Variants in TIAM2 observed in about 807,000 individuals in gnomAD.
The protein encoded by TIAM2 is rho guanine nucleotide exchange factor TIAM2.
In TIAM2, 80 loss-of-function variants were observed where a neutral mutation model predicts 152.9. That is an observed-to-expected ratio of 0.52 (90% CI 0.44 to 0.63). The LOEUF is 0.63. Among genes scored for constraint, TIAM2 ranks in the 30% least tolerant of loss-of-function variants. TIAM2 has a pLI of 0.00. For missense variants in TIAM2, 1,965 were observed against 2,120.1 expected, an observed-to-expected ratio of 0.93 and a Z score of 1.44; for synonymous variants, 804 against 838.0, an observed-to-expected ratio of 0.96 and a Z score of 0.70.
intron 14 of TIAM2, among the ~76,000 whole-genome samples, chr6:155,187,237 A>G (rs1781061508): frequency 6.6e-6 from 1 of 152,094 alleles, no homozygotes; most frequent in African/African-American, 2.4e-5. Flanking sequence ...TCTCTTGATC[A>G]GTTTCAAGTG....
At chr6:155,169,664 T>A (rs1386179421) in intron 9 of TIAM2, among the ~76,000 whole-genome samples, 2 of 152,194 alleles carry the variant, frequency 1.3e-5, no homozygotes, top group Non-Finnish European at 2.9e-5. Context: ...TGTCTCCTCA[T>A]CCCTAGAATT....
intron 1 of TIAM2, among the ~76,000 whole-genome samples, chr6:155,040,765 C>T (rs778987475): frequency 1.3e-4 from 20 of 152,148 alleles, no homozygotes; most frequent in Non-Finnish European, 2.5e-4. Context: ...GTGATCCACC[C>T]GCCTTGGCCT....
chr6:155,153,110 T>C (rs117516734), intron 7 of TIAM2, among the ~76,000 whole-genome samples: 3 of 152,228 alleles, frequency 2.0e-5, no homozygotes, highest in Non-Finnish European at 4.4e-5. Context: ...ATCATCACTT[T>C]AGTTATTTTA....
At position 155,222,851 on chromosome 6, in the gene TIAM2, T is replaced by G. The variant is rs118029136; in HGVS notation, c.3168+11544T>G. On this transcript the variant is annotated intron_variant, in intron 15 of 26. Coordinates refer to ENST00000682666, the MANE Select transcript of TIAM2 (RefSeq NM_012454.4). ...TTTTATCCCCATGAATATGGAGAGC[T>G]GCTTAGAAGAAGAATCTTAGCAGAA... 6.7e-4 allele frequency among the ~76,000 whole-genome samples: 102 copies of G among 152,306 alleles called. No individual in the cohort carries two copies. The East Asian group carries it at 0.018, about 27-fold the overall frequency.
chr6:155,028,395 C>CACAT lies in TIAM2; in HGVS notation c.-209+32904_-209+32905insCATA, dbSNP rs1554225291. On this transcript the variant is annotated intron_variant, in intron 1 of 26. Transcript: ENST00000682666. ...TATATACTGTGTTACATATATACTA[C>CACAT]ATATATATACTGTGTTACATATACT... Among the ~76,000 whole-genome samples the CACAT allele has an allele frequency of 7.1e-5, 5 of 70,004 alleles. 1 individual carries two copies. Among genetic ancestry groups the CACAT allele is most frequent in the African/African-American group, 3.5e-4 (5 of 14,132 alleles). 45.9% of individuals were successfully genotyped at this position (70,004 alleles called of 152,430 possible). A position where few individuals can be genotyped will look rare whatever the true frequency, so the allele number is the denominator to read the frequency against.
intron 1 of TIAM2, among the ~76,000 whole-genome samples, chr6:155,047,823 A>C (rs1364794495): frequency 3.3e-5 from 5 of 152,130 alleles, no homozygotes; most frequent in African/African-American, 1.2e-4. Flanking sequence ...GGAGGGAAAC[A>C]AAAGGAACAA....
intron 18 of TIAM2, 113 bp downstream of exon 18, chr6:155,244,896 T>C (rs1783230722): frequency 3.9e-6 from 5 of 1,291,092 alleles, no homozygotes; most frequent in Non-Finnish European, 5.3e-6. Flanking sequence ...ATTGACTATT[T>C]ATTGTCCTGT....
At chr6:155,242,330 G>A (rs567697695) in intron 16 of TIAM2, among the ~76,000 whole-genome samples, 3 of 152,304 alleles carry the variant, frequency 2.0e-5, no homozygotes, top group South Asian at 2.1e-4. Flanking sequence ...TGTTGCTGAC[G>A]TTTAACACAG....
In TIAM2 at chr6:155,137,336, G is replaced by A. The variant is rs766127122; in HGVS notation, c.1354G>A (p.Asp452Asn). 8.7e-6 allele frequency: 14 copies of A among 1,614,182 alleles called. No homozygotes were observed. The Middle Eastern group carries it at 4.9e-4, about 57-fold the overall frequency. ...TGAATCCACACATGCGATTGGCAGCGATCCCCTCCGGCAGAACATTTATGA... is the reference window on the plus strand; with the variant it reads ...TGAATCCACACATGCGATTGGCAGCAATCCCCTCCGGCAGAACATTTATGA... Reference protein sequence around the residue: ...RSESTHAIGSDPLRQNIYENF... With the variant: ...RSESTHAIGSNPLRQNIYENF... The change falls in exon 5 of 27, where the codon GAT becomes AAT. Residue 452 changes from aspartate to asparagine, a missense_variant. By Grantham distance (23) the Asp-to-Asn change is conservative. Transcript: ENST00000682666.
intron 15 of TIAM2, among the ~76,000 whole-genome samples, chr6:155,231,813 G>A (rs182722005): frequency 1.2e-3 from 185 of 152,356 alleles, no homozygotes; most frequent in Non-Finnish European, 2.0e-3. Context: ...GGTGGCTTGC[G>A]CCTGTAATCC....
intron 2 of TIAM2, among the ~76,000 whole-genome samples, chr6:155,098,542 G>A (rs1027808417): frequency 7.2e-5 from 11 of 152,106 alleles, no homozygotes; most frequent in Non-Finnish European, 1.0e-4. Flanking sequence ...CTGCAATTTT[G>A]CTGGATTCAT....
chr6:155,039,562 A>G (rs1196275983), intron 1 of TIAM2, among the ~76,000 whole-genome samples: 1 of 138,668 alleles, frequency 7.2e-6, no homozygotes, highest in Non-Finnish European at 1.5e-5. Flanking sequence ...GAAGTGGGGT[A>G]TAGGTCTGGG....
At chr6:155,222,249 C>T (rs62428918) in intron 15 of TIAM2, among the ~76,000 whole-genome samples, 35,290 of 151,808 alleles carry the variant, frequency 0.23, 4,975 homozygotes, top group East Asian at 0.52. Flanking sequence ...CCACCACACC[C>T]GGCCTGTTCT....
At chr6:155,081,057 T>G (rs1353360454) in intron 1 of TIAM2, among the ~76,000 whole-genome samples, 1 of 152,214 alleles carries the variant, frequency 6.6e-6, no homozygotes, top group African/African-American at 2.4e-5. Flanking sequence ...AATATTTCTT[T>G]GTTTAGTGAA....
chr6:155,109,120 A>C (rs1230888938), intron 2 of TIAM2, among the ~76,000 whole-genome samples: 1 of 152,022 alleles, frequency 6.6e-6, no homozygotes, highest in East Asian at 1.9e-4. Flanking sequence ...AGTAGCTGGG[A>C]CTACAGGCGC....
intron 14 of TIAM2, among the ~76,000 whole-genome samples, chr6:155,191,884 A>G (rs1034653759): frequency 7.2e-5 from 11 of 152,118 alleles, no homozygotes; most frequent in Non-Finnish European, 1.2e-4. Context: ...GTACATGGCT[A>G]TGGTGGAGAG....
intron 1 of TIAM2, among the ~76,000 whole-genome samples, chr6:155,016,848 C>G (rs929294527): frequency 6.6e-6 from 1 of 152,198 alleles, no homozygotes; most frequent in African/African-American, 2.4e-5. Context: ...TGCTGTGAGC[C>G]AAGATCATGC....
intron 15 of TIAM2, among the ~76,000 whole-genome samples, chr6:155,215,155 A>G (rs970552830): frequency 1.3e-5 from 2 of 152,182 alleles, no homozygotes; most frequent in Non-Finnish European, 2.9e-5. Flanking sequence ...ATTTTTTCCC[A>G]AAGTTTATCT....
rs986916589 is a variant in TIAM2, at chr6:155,257,500, A to G, written c.*379A>G. ...GGGCATTTTCTTTCAGCTGTTTGTT[A>G]GTTTTTGCTTTATTTAAAGCATATT... On this transcript the variant is annotated 3_prime_UTR_variant, in exon 27 of 27. Transcript: ENST00000682666. The G allele has an allele frequency of 2.9e-6, 1 of 339,582 alleles. No individual in the cohort carries two copies. The highest frequency in any genetic ancestry group is 5.4e-6 in the Non-Finnish European group (1 of 185,968). The allele number at this position is 339,582 out of a possible 1,614,324, so 21.0% of individuals were successfully genotyped here.
Sources: allele counts gnomAD v4.1 joint callset (sites outside exome capture counted in the v4.1 genomes callset), GRCh38; gene constraint gnomAD v4.1.1; transcripts MANE v1.5; gene names NCBI Gene and HGNC (gene_info 2026-07-23, HGNC 2026-07-21).